KCNN3: variants seen among roughly 807,000 people sequenced by gnomAD.
The protein encoded by KCNN3 is potassium calcium-activated channel subfamily N member 3.
A neutral mutation model predicts 62.9 loss-of-function variants in KCNN3; 16 were observed. That is an observed-to-expected ratio of 0.25 (90% CI 0.17 to 0.39). KCNN3 has a LOEUF of 0.39. Ranked by LOEUF, KCNN3 falls within the 10% of genes least tolerant of loss-of-function variation. The probability of loss-of-function intolerance (pLI) is 1.00; values close to 1 mark genes in which losing one functional copy is unlikely to be tolerated. For synonymous variants in KCNN3, 370 were observed against 389.2 expected (o/e 0.95, Z 0.58); for missense variants, 599 against 949.4 (o/e 0.63, Z 4.85).
At chr1:154,713,616 C>G in intron 6 of KCNN3, 83 bp from the exon 7 acceptor site, 1 of 1,156,098 alleles carries the variant, frequency 8.6e-7, no homozygotes, top group Non-Finnish European at 1.3e-6. Flanking sequence ...AGCCCTACCA[C>G]TGCCTCTGAT....
chr1:154,741,026 T>C (rs1044504292), intron 3 of KCNN3, among the ~76,000 whole-genome samples: 16 of 152,224 alleles, frequency 1.1e-4, no homozygotes, highest in Non-Finnish European at 2.4e-4. Context: ...AGCAGTTATT[T>C]GGTTTTTGCA....
intron 1 of KCNN3, among the ~76,000 whole-genome samples, chr1:154,828,928 A>G (rs912443838): frequency 1.3e-5 from 2 of 152,180 alleles, no homozygotes. Flanking sequence ...ACATTCATTC[A>G]CTTGTGCATT....
At chr1:154,736,265 A>C (rs1700709992) in intron 3 of KCNN3, among the ~76,000 whole-genome samples, 1 of 152,280 alleles carries the variant, frequency 6.6e-6, no homozygotes, top group South Asian at 2.1e-4. Context: ...ACTAAATGTC[A>C]GCCATTATTG....
chr1:154,800,845 G>C (rs1024132595), intron 2 of KCNN3, among the ~76,000 whole-genome samples: 1 of 152,028 alleles, frequency 6.6e-6, no homozygotes, highest in Non-Finnish European at 1.5e-5. Flanking sequence ...ACGAGTTTGA[G>C]ACCAGGCTGG....
At chr1:154,776,480 C>T (rs935330741) in intron 2 of KCNN3, among the ~76,000 whole-genome samples, 8 of 152,128 alleles carry the variant, frequency 5.3e-5, no homozygotes, top group African/African-American at 1.9e-4. Context: ...AAAGCTTCTG[C>T]TAGACAGGGC....
chr1:154,830,158 T>C (rs1188034736), intron 1 of KCNN3, among the ~76,000 whole-genome samples: 1 of 152,154 alleles, frequency 6.6e-6, no homozygotes, highest in East Asian at 1.9e-4. Context: ...TCATCAAAAC[T>C]AAAGAGAGGT....
chr1:154,869,446 G>A lies in KCNN3; in HGVS notation c.519C>T (p.Ile173=), dbSNP rs752220674. Reference sequence around the variant, plus strand: ...CGCTATACTTGCAGGAGCTCATGGCGATCTCCGTGAAGGGGTTGCTGTCCC... The same window carrying A: ...CGCTATACTTGCAGGAGCTCATGGCAATCTCCGTGAAGGGGTTGCTGTCCC... ...HRRDSNPFTE[I]AMSSCKYSGG... Residue 173 remains isoleucine, a synonymous_variant, in exon 1 of 8, where the codon ATC becomes ATT. Transcript: ENST00000271915. This position sits in a 1 kb window ranked among gnomAD's most constrained non-coding sequence, Gnocchi z 6.1. 3 of 1,613,958 alleles carry A rather than the reference G, an allele frequency of 1.9e-6. No individual in the cohort carries two copies. The African/African-American group carries it at 4.0e-5, about 22-fold the overall frequency.
intron 4 of KCNN3, among the ~76,000 whole-genome samples, chr1:154,728,070 T>C (rs1249173240): frequency 6.6e-6 from 1 of 152,206 alleles, no homozygotes; most frequent in Non-Finnish European, 1.5e-5. Flanking sequence ...CCCTGTTCCA[T>C]GCTATTTTGG....
At chr1:154,764,044 TA>T (rs1224866913) in intron 3 of KCNN3, among the ~76,000 whole-genome samples, 1 of 152,246 alleles carries the variant, frequency 6.6e-6, no homozygotes, top group Non-Finnish European at 1.5e-5. Context: ...GATTTGTACT[TA>T]CCTAATAAAT....
intron 6 of KCNN3, 146 bp from the exon 7 acceptor site, chr1:154,713,679 T>C: frequency 1.4e-6 from 1 of 706,458 alleles, no homozygotes. Flanking sequence ...AGGCTTTTAC[T>C]TTCCAGGGGC....
At chr1:154,782,032 G>T (rs889342050) in intron 2 of KCNN3, among the ~76,000 whole-genome samples, 3 of 152,134 alleles carry the variant, frequency 2.0e-5, no homozygotes, top group African/African-American at 7.2e-5. Context: ...ATTACAGAGG[G>T]GACAGCATGT....
intron 4 of KCNN3, among the ~76,000 whole-genome samples, chr1:154,728,039 A>G (rs752942853): frequency 1.6e-4 from 24 of 152,218 alleles, no homozygotes; most frequent in Non-Finnish European, 3.2e-4. Flanking sequence ...CTGGGGTCCA[A>G]TAGGCCTGAA....
chr1:154,787,437 A>T (rs902229260), intron 2 of KCNN3, among the ~76,000 whole-genome samples: 1 of 152,210 alleles, frequency 6.6e-6, no homozygotes, highest in Non-Finnish European at 1.5e-5. Context: ...TGCCAGGTAC[A>T]ATGCCAAGAC....
intron 1 of KCNN3, among the ~76,000 whole-genome samples, chr1:154,866,362 C>A (rs1652956833): frequency 6.6e-6 from 1 of 152,220 alleles, no homozygotes; most frequent in Non-Finnish European, 1.5e-5. Context: ...GTTGAGCAGG[C>A]AGATACGTGC....
chr1:154,717,983 G>T (rs1700265977), intron 5 of KCNN3, among the ~76,000 whole-genome samples: 1 of 152,116 alleles, frequency 6.6e-6, no homozygotes, highest in South Asian at 2.1e-4. Context: ...GATTTGCCGA[G>T]CCTCCAAAGG....
chr1:154,758,983 T>C (rs1022590854), intron 3 of KCNN3, among the ~76,000 whole-genome samples: 4 of 152,104 alleles, frequency 2.6e-5, no homozygotes, highest in African/African-American at 9.7e-5. Context: ...AATTTTTGTA[T>C]TTTTAATAGA....
At chr1:154,722,193 A>T (rs1700364759) in intron 5 of KCNN3, among the ~76,000 whole-genome samples, 1 of 152,148 alleles carries the variant, frequency 6.6e-6, no homozygotes, top group Non-Finnish European at 1.5e-5. Context: ...ATTAATAGCT[A>T]CAATTCCTTT....
intron 2 of KCNN3, among the ~76,000 whole-genome samples, chr1:154,779,083 G>A (rs946254816): frequency 3.3e-5 from 5 of 152,100 alleles, no homozygotes; most frequent in Middle Eastern, 3.2e-3. Context: ...CCAGCTGCCA[G>A]CCATCAGAAG....
At chr1:154,773,741 G>A (rs1025034382) in intron 2 of KCNN3, among the ~76,000 whole-genome samples, 3 of 152,172 alleles carry the variant, frequency 2.0e-5, no homozygotes, top group Non-Finnish European at 2.9e-5. Flanking sequence ...GCTGTTTCAC[G>A]ATGGTGAGAA....
Sources: gnomAD v4.1 joint callset for allele counts (sites outside exome capture counted in the v4.1 genomes callset) on GRCh38, gnomAD v4.1.1 for gene constraint, Gnocchi (gnomAD v3.1) non-coding constraint, MANE v1.5 for transcripts, NCBI Gene and HGNC (gene_info 2026-07-23, HGNC 2026-07-21) for gene names.